The following RBFOX1 variants were observed in gnomAD, a reference collection of about 807,000 sequenced individuals.
The protein encoded by RBFOX1 is RNA binding protein fox-1 homolog 1.
A neutral mutation model predicts 57.7 loss-of-function variants in RBFOX1; 8 were observed. That is an observed-to-expected ratio of 0.14 (90% CI 0.08 to 0.25). The LOEUF is 0.25. RBFOX1 is among the 10% of genes least tolerant of loss of function. The pLI, the probability that RBFOX1 is intolerant of heterozygous loss-of-function variation, is 1.00. For missense variants in RBFOX1, 611 were observed against 548.5 expected (o/e 1.11, Z -1.14); for synonymous variants, 326 against 222.4 (o/e 1.47, Z -4.15).
rs1403685472 is a variant in RBFOX1, at chr16:7,012,306, AG to A, written c.-15-39749del. On this transcript the variant is annotated intron_variant, in intron 3 of 15. Coordinates refer to ENST00000550418, the MANE Select transcript of RBFOX1 (RefSeq NM_018723.4). Reference sequence around the variant, plus strand: ...GAGGCTGACAGACCAAATGTCTGGCAGGTGAGATCTCATAACTACTAGTGAC... The same window carrying A: ...GAGGCTGACAGACCAAATGTCTGGCAGTGAGATCTCATAACTACTAGTGAC... Among the ~76,000 whole-genome samples the A allele has an allele frequency of 3.3e-5, 5 of 152,352 alleles. No individual in the cohort carries two copies. The East Asian group carries it at 7.7e-4, about 24-fold the overall frequency.
At chr16:6,991,334 T>C (rs1292793262) in intron 3 of RBFOX1, among the ~76,000 whole-genome samples, 1 of 152,004 alleles carries the variant, frequency 6.6e-6, no homozygotes, top group African/African-American at 2.4e-5. Flanking sequence ...ATTTCTCCAT[T>C]TCAGCTAATA....
chr16:6,556,544 G>T (rs2097100838), intron 2 of RBFOX1, among the ~76,000 whole-genome samples: 1 of 152,152 alleles, frequency 6.6e-6, no homozygotes, highest in African/African-American at 2.4e-5. Context: ...AGACGAATCA[G>T]CCATTCACTG....
At chr16:5,633,361 T>G (rs570708768) in intron 3 of RBFOX1, among the ~76,000 whole-genome samples, 3 of 152,214 alleles carry the variant, frequency 2.0e-5, no homozygotes, top group Non-Finnish European at 4.4e-5. Flanking sequence ...AAAAAAACTT[T>G]CAATAGTTTT....
intron 2 of RBFOX1, among the ~76,000 whole-genome samples, chr16:6,332,241 T>C (rs2083126456): frequency 6.6e-6 from 1 of 152,190 alleles, no homozygotes; most frequent in South Asian, 2.1e-4. Flanking sequence ...TATGGCAACG[T>C]AGAAGGCGGG....
intron 1 of RBFOX1, among the ~76,000 whole-genome samples, chr16:5,360,267 G>T (rs1426766703): frequency 6.6e-6 from 1 of 152,232 alleles, no homozygotes; most frequent in Non-Finnish European, 1.5e-5. Context: ...GAGGGCGAGG[G>T]ATAATTAGAG....
intron 3 of RBFOX1, among the ~76,000 whole-genome samples, chr16:5,607,907 G>T (rs1005136756): frequency 3.3e-5 from 5 of 152,180 alleles, no homozygotes; most frequent in African/African-American, 9.7e-5. Flanking sequence ...TGTATGATTG[G>T]ACCATAATGT....
At chr16:7,504,775 A>ATATT (rs2072567840) in intron 4 of RBFOX1, among the ~76,000 whole-genome samples, 20 of 14,240 alleles carry the variant, frequency 1.4e-3, no homozygotes, top group Non-Finnish European at 4.6e-3. Flanking sequence ...ATATATTTAT[A>ATATT]TATATATATA....
At chr16:6,819,330 A>G (rs886134745) in intron 3 of RBFOX1, among the ~76,000 whole-genome samples, 1 of 152,184 alleles carries the variant, frequency 6.6e-6, no homozygotes, top group African/African-American at 2.4e-5. Context: ...TATTGCTTAG[A>G]TGAATAAATA....
At chr16:7,192,967 C>T (rs1353496042) in intron 4 of RBFOX1, among the ~76,000 whole-genome samples, 1 of 152,162 alleles carries the variant, frequency 6.6e-6, no homozygotes, top group Non-Finnish European at 1.5e-5. Flanking sequence ...TTTGTGTCGA[C>T]AGACATCTTT....
intron 4 of RBFOX1, among the ~76,000 whole-genome samples, chr16:5,888,607 C>G (rs2057958697): frequency 6.6e-6 from 1 of 151,932 alleles, no homozygotes; most frequent in African/African-American, 2.4e-5. Flanking sequence ...ACCAGCCTGA[C>G]CAACATGGGG....
chr16:5,315,472 G>C (rs2064211342), intron 1 of RBFOX1, among the ~76,000 whole-genome samples: 1 of 152,144 alleles, frequency 6.6e-6, no homozygotes, highest in Non-Finnish European at 1.5e-5. Flanking sequence ...TCTTGGAGCA[G>C]CTCCCGGGGA....
chr16:5,763,492 T>G (rs2053659646), intron 3 of RBFOX1, among the ~76,000 whole-genome samples: 1 of 152,258 alleles, frequency 6.6e-6, no homozygotes. Flanking sequence ...CAGGAGGCTC[T>G]TGGGGATGAA....
intron 2 of RBFOX1, among the ~76,000 whole-genome samples, chr16:6,478,423 ATATATATTTTTTTTTTTTTT>A (rs2095315152): frequency 8.3e-5 from 1 of 11,988 alleles, no homozygotes; most frequent in African/African-American, 2.1e-4. Flanking sequence ...ATATATATAT[ATATATATTTTTTTTTTTTTT>A]TTTTGTATTT....
intron 2 of RBFOX1, among the ~76,000 whole-genome samples, chr16:6,366,542 C>G (rs956635419): frequency 6.6e-6 from 1 of 152,168 alleles, no homozygotes; most frequent in Non-Finnish European, 1.5e-5. Flanking sequence ...TGAATTTTCT[C>G]TATATCACCC....
intron 3 of RBFOX1, among the ~76,000 whole-genome samples, chr16:6,824,670 C>T (rs1338203066): frequency 6.6e-6 from 1 of 152,144 alleles, no homozygotes; most frequent in Non-Finnish European, 1.5e-5. Context: ...GGATTCATCA[C>T]TCACTACCTT....
intron 3 of RBFOX1, among the ~76,000 whole-genome samples, chr16:5,781,887 A>G (rs997217830): frequency 4.6e-5 from 7 of 152,356 alleles, no homozygotes; most frequent in East Asian, 1.9e-4. Context: ...CTATAACGAA[A>G]TGCCTGAGAC....
At chr16:6,208,547 A>T (rs922274818) in intron 1 of RBFOX1, among the ~76,000 whole-genome samples, 1 of 152,136 alleles carries the variant, frequency 6.6e-6, no homozygotes, top group African/African-American at 2.4e-5. Context: ...TACAGACACA[A>T]TTCTCTCCCC....
intron 1 of RBFOX1, among the ~76,000 whole-genome samples, chr16:6,227,024 T>A (rs1470085451): frequency 2.0e-5 from 3 of 151,322 alleles, no homozygotes; most frequent in African/African-American, 7.3e-5. Context: ...CTTGGGAGGC[T>A]GAGGCAGGAT....
chr16:5,995,132 G>A (rs980561669), intron 4 of RBFOX1, among the ~76,000 whole-genome samples: 8 of 152,156 alleles, frequency 5.3e-5, no homozygotes, highest in African/African-American at 7.2e-5. Context: ...AACCTGCTTC[G>A]AAATGTTAAG....
Sources: gnomAD v4.1 joint callset for allele counts (sites outside exome capture counted in the v4.1 genomes callset) on GRCh38, gnomAD v4.1.1 for gene constraint, MANE v1.5 for transcripts, NCBI Gene and HGNC (gene_info 2026-07-23, HGNC 2026-07-21) for gene names.